The following SH3RF3 variants were observed in gnomAD, a reference collection of about 807,000 sequenced individuals.
SH3RF3 encodes the protein SH3 domain containing ring finger 3, also known as E3 ubiquitin-protein ligase SH3RF3.
In SH3RF3, 29 loss-of-function variants were observed where a neutral mutation model predicts 66.3. The observed-to-expected ratio is 0.44, with a 90% confidence interval of 0.33 to 0.60. SH3RF3 has a LOEUF of 0.60. SH3RF3 is among the 20% of genes least tolerant of loss of function. The probability of loss-of-function intolerance (pLI) is 0.04; values close to 1 mark genes in which losing one functional copy is unlikely to be tolerated. For missense variants in SH3RF3, 1,194 were observed against 1,190.9 expected (o/e 1.00, Z -0.04); for synonymous variants, 583 against 532.0 (o/e 1.10, Z -1.32).
intron 1 of SH3RF3, among the ~76,000 whole-genome samples, chr2:109,337,066 C>T (rs1054106851): frequency 1.4e-4 from 21 of 152,178 alleles, no homozygotes; most frequent in African/African-American, 4.8e-4. Flanking sequence ...TAATAGCAAA[C>T]CGTATTTAGT....
chr2:109,364,423 T>G (rs1294917847), intron 2 of SH3RF3, among the ~76,000 whole-genome samples: 3 of 152,254 alleles, frequency 2.0e-5, no homozygotes, highest in African/African-American at 7.2e-5. Flanking sequence ...TCATAGTTGT[T>G]TTGTATCCGT....
chr2:109,272,980 A>G (rs1240119663), intron 1 of SH3RF3, among the ~76,000 whole-genome samples: 1 of 152,238 alleles, frequency 6.6e-6, no homozygotes, highest in Non-Finnish European at 1.5e-5. Context: ...AAGCTACTGG[A>G]AGAAATTAAA....
intron 1 of SH3RF3, among the ~76,000 whole-genome samples, chr2:109,265,488 T>C (rs1680467195): frequency 6.6e-6 from 1 of 152,194 alleles, no homozygotes; most frequent in South Asian, 2.1e-4. Flanking sequence ...TTCAGGGCAG[T>C]GGCACCCTGC....
chr2:109,316,039 T>G (rs1432655088), intron 1 of SH3RF3, among the ~76,000 whole-genome samples: 1 of 152,222 alleles, frequency 6.6e-6, no homozygotes, highest in Non-Finnish European at 1.5e-5. Flanking sequence ...ATTGCAAAGA[T>G]TCCCAGTATT....
chr2:109,190,847 G>T (rs72946121), intron 1 of SH3RF3, among the ~76,000 whole-genome samples: 1,995 of 151,900 alleles, frequency 0.013, 41 homozygotes, highest in African/African-American at 0.046. Context: ...AAAACATCTG[G>T]TTAAGCACTT....
intron 7 of SH3RF3, among the ~76,000 whole-genome samples, chr2:109,443,153 C>T (rs1287051475): frequency 3.3e-5 from 5 of 152,232 alleles, no homozygotes; most frequent in Admixed American, 6.5e-5. Flanking sequence ...GGTGTGTACA[C>T]ATATCTCACA....
At chr2:109,202,471 C>T (rs994832105) in intron 1 of SH3RF3, among the ~76,000 whole-genome samples, 1 of 152,206 alleles carries the variant, frequency 6.6e-6, no homozygotes, top group African/African-American at 2.4e-5. Flanking sequence ...TACTTTTTCT[C>T]TTTGTCCCTG....
At chr2:109,291,354 A>G (rs534690069) in intron 1 of SH3RF3, among the ~76,000 whole-genome samples, 32 of 142,454 alleles carry the variant, frequency 2.2e-4, no homozygotes, top group African/African-American at 6.9e-4. Context: ...AGCTGCCTCT[A>G]TTGCTTTTGG....
At chr2:109,155,331 C>A (rs146182341) in intron 1 of SH3RF3, among the ~76,000 whole-genome samples, 1 of 152,126 alleles carries the variant, frequency 6.6e-6, no homozygotes, top group African/African-American at 2.4e-5. Context: ...GATGGAGTCT[C>A]GCTCTGTTGC....
intron 3 of SH3RF3, among the ~76,000 whole-genome samples, chr2:109,385,739 G>A (rs996704807): frequency 1.3e-5 from 2 of 152,224 alleles, no homozygotes; most frequent in African/African-American, 4.8e-5. Context: ...AGCCAGCCCT[G>A]CCAGGGTGGA....
chr2:109,500,579 G>A (rs1679363095), intron 9 of SH3RF3, among the ~76,000 whole-genome samples: 1 of 152,202 alleles, frequency 6.6e-6, no homozygotes, highest in Admixed American at 6.5e-5. Context: ...CCTTATTGAT[G>A]TTGATGTTGT....
intron 1 of SH3RF3, among the ~76,000 whole-genome samples, chr2:109,298,103 CAG>C (rs965655430): frequency 3.3e-5 from 5 of 152,260 alleles, no homozygotes; most frequent in African/African-American, 7.2e-5. Flanking sequence ...ACCTGCTTCT[CAG>C]GGGGATGCAG....
chr2:109,155,077 C>T (rs1475909714), intron 1 of SH3RF3, among the ~76,000 whole-genome samples: 1 of 152,160 alleles, frequency 6.6e-6, no homozygotes, highest in Non-Finnish European at 1.5e-5. Context: ...TCTGGCCTCC[C>T]TCCGGGCCAG....
At chr2:109,301,501 G>A (rs1681468237) in intron 1 of SH3RF3, among the ~76,000 whole-genome samples, 2 of 152,072 alleles carry the variant, frequency 1.3e-5, no homozygotes, top group African/African-American at 2.4e-5. Flanking sequence ...GGGCAGTGCC[G>A]CAGAGTGACA....
chr2:109,320,555 G>A (rs1490746852), intron 1 of SH3RF3, among the ~76,000 whole-genome samples: 2 of 152,152 alleles, frequency 1.3e-5, no homozygotes, highest in African/African-American at 4.8e-5. Context: ...TGTTATCTGG[G>A]AGAAGTTTAG....
chr2:109,229,453 C>A (rs1428217544), intron 1 of SH3RF3, among the ~76,000 whole-genome samples: 2 of 152,202 alleles, frequency 1.3e-5, no homozygotes, highest in Non-Finnish European at 2.9e-5. Context: ...TCCATGGACT[C>A]CTCTGGCTAT....
intron 1 of SH3RF3, among the ~76,000 whole-genome samples, chr2:109,150,370 G>A (rs1420254695): frequency 6.6e-6 from 1 of 151,962 alleles, no homozygotes; most frequent in Non-Finnish European, 1.5e-5. Flanking sequence ...ACCATGCTAG[G>A]GATTTTTGTC....
At chr2:109,253,560 T>G (rs1025510073) in intron 1 of SH3RF3, among the ~76,000 whole-genome samples, 4 of 152,174 alleles carry the variant, frequency 2.6e-5, no homozygotes, top group South Asian at 2.1e-4. Flanking sequence ...TCATGCTGGA[T>G]CTAAGATGTT....
intron 3 of SH3RF3, among the ~76,000 whole-genome samples, chr2:109,379,945 G>A (rs1340473001): frequency 6.6e-6 from 1 of 152,186 alleles, no homozygotes; most frequent in Non-Finnish European, 1.5e-5. Context: ...GGGAGAATAA[G>A]CAGTGGTCTT....
Sources: allele counts gnomAD v4.1 joint callset (sites outside exome capture counted in the v4.1 genomes callset), GRCh38; gene constraint gnomAD v4.1.1; transcripts MANE v1.5; gene names NCBI Gene and HGNC (gene_info 2026-07-23, HGNC 2026-07-21).